Variants in EPB41L4A observed in about 807,000 individuals in gnomAD.
EPB41L4A encodes the protein band 4.1-like protein 4A.
EPB41L4A carries 100 observed loss-of-function variants against 108.6 expected under a neutral mutation model. The observed-to-expected ratio is 0.92, with a 90% CI of 0.78 to 1.09. EPB41L4A has a LOEUF of 1.09. Ranked by LOEUF, EPB41L4A falls within the 50% of genes least tolerant of loss-of-function variation. The probability of loss-of-function intolerance (pLI) is 0.00; values close to 1 mark genes in which losing one functional copy is unlikely to be tolerated. For missense variants in EPB41L4A, 1,030 were observed against 842.7 expected (o/e 1.22, Z -2.75); for synonymous variants, 319 against 289.0 (o/e 1.10, Z -1.05).
intron 1 of EPB41L4A, among the ~76,000 whole-genome samples, chr5:112,355,559 G>A (rs1467383176): frequency 6.6e-6 from 1 of 152,088 alleles, no homozygotes; most frequent in African/African-American, 2.4e-5. Flanking sequence ...TTCATTTCTG[G>A]TTCCTCATTA....
chr5:112,343,089 C>G (rs1433718942), intron 1 of EPB41L4A, among the ~76,000 whole-genome samples: 1 of 152,166 alleles, frequency 6.6e-6, no homozygotes, highest in Non-Finnish European at 1.5e-5. Context: ...GAATAACAGA[C>G]AGTTGGCTTT....
chr5:112,191,454 A>T (rs1488067262), intron 17 of EPB41L4A, among the ~76,000 whole-genome samples: 1 of 152,192 alleles, frequency 6.6e-6, no homozygotes, highest in African/African-American at 2.4e-5. Context: ...ATTATTTTTT[A>T]AAATTTAATG....
intron 6 of EPB41L4A, chr5:112,264,008 T>G (rs1751672813): frequency 6.6e-6 from 1 of 151,914 alleles, no homozygotes. Context: ...AGATGGGATT[T>G]CACCATTTTG....
At chr5:112,245,610 GA>G (rs1375040452) in intron 9 of EPB41L4A, among the ~76,000 whole-genome samples, 2 of 152,116 alleles carry the variant, frequency 1.3e-5, no homozygotes, top group Non-Finnish European at 2.9e-5. Flanking sequence ...ATAGCAAGTG[GA>G]AAAAATGGGC....
At chr5:112,393,872 C>T (rs1008247980) in intron 1 of EPB41L4A, among the ~76,000 whole-genome samples, 21 of 152,138 alleles carry the variant, frequency 1.4e-4, no homozygotes, top group Non-Finnish European at 2.4e-4. Flanking sequence ...TCCAGCAGCA[C>T]ATCAAAAGGC....
At chr5:112,161,605 A>G (rs201669130), downstream of EPB41L4A, 586 of 519,210 alleles carry the variant, frequency 1.1e-3, 1 homozygote, top group African/African-American at 2.9e-3. Flanking sequence ...TAGGAGCTGC[A>G]TAAGTAACAG....
At chr5:112,167,123 CA>C (rs10642511) in intron 22 of EPB41L4A, among the ~76,000 whole-genome samples, 10,275 of 110,516 alleles carry the variant, frequency 0.093, 415 homozygotes, top group Middle Eastern at 0.16. Flanking sequence ...AAATTTAAGA[CA>C]AAAAAAAAAA....
intron 1 of EPB41L4A, among the ~76,000 whole-genome samples, chr5:112,334,702 C>G (rs893303896): frequency 6.6e-6 from 1 of 152,158 alleles, no homozygotes; most frequent in South Asian, 2.1e-4. Context: ...CTTTGCCTGA[C>G]TTCTGTCTCC....
At chr5:112,320,106 A>C (rs1755678222) in intron 1 of EPB41L4A, among the ~76,000 whole-genome samples, 1 of 152,226 alleles carries the variant, frequency 6.6e-6, no homozygotes, top group African/African-American at 2.4e-5. Flanking sequence ...ATCCTCTCCT[A>C]TTCAAGGCAC....
At chr5:112,244,297 G>C (rs923394399) in intron 9 of EPB41L4A, among the ~76,000 whole-genome samples, 2 of 152,206 alleles carry the variant, frequency 1.3e-5, no homozygotes, top group African/African-American at 4.8e-5. Context: ...GATGCAGTTT[G>C]TGGCACCCCA....
intron 1 of EPB41L4A, among the ~76,000 whole-genome samples, chr5:112,375,050 C>G (rs1638681851): frequency 6.6e-6 from 1 of 152,174 alleles, no homozygotes; most frequent in Non-Finnish European, 1.5e-5. Context: ...ATCTCCACCC[C>G]AGATCAGCAG....
chr5:112,161,367 CG>C (rs1561436563), downstream of EPB41L4A: 3 of 413,374 alleles, frequency 7.3e-6, no homozygotes, highest in Non-Finnish European at 1.4e-5. Flanking sequence ...ATTATTAAGT[CG>C]GATTTTAAAT....
rs548887572 is a variant in EPB41L4A at position 112,342,613 on chromosome 5, A to G, written c.100-35123T>C. Among the ~76,000 whole-genome samples, 190 of 152,304 alleles carry G rather than the reference A, an allele frequency of 1.2e-3. 1 individual carries two copies. The highest frequency in any genetic ancestry group is 6.8e-3 in the Middle Eastern group (2 of 294). The stretch of plus-strand genomic sequence containing the variant: ...GCTGAGGGTCTATTGTTCCTAGTCG[A>G]GCAAGAGCAGTCAGCAGTCAGCAGC... On this transcript the variant is annotated intron_variant, in intron 1 of 22. Transcript: ENST00000261486.
chr5:112,339,860 A>C (rs781531135), intron 1 of EPB41L4A, among the ~76,000 whole-genome samples: 1 of 152,142 alleles, frequency 6.6e-6, no homozygotes, highest in Non-Finnish European at 1.5e-5. Flanking sequence ...CAAATGCATA[A>C]ATATTTAAGC....
At chr5:112,206,911 A>G (rs1199347107) in intron 13 of EPB41L4A, 1 of 152,218 alleles carries the variant, frequency 6.6e-6, no homozygotes, top group Non-Finnish European at 1.5e-5. Flanking sequence ...TCAAACTACC[A>G]ACATCATTTT....
chr5:112,316,566 A>G (rs1477837381), intron 1 of EPB41L4A, among the ~76,000 whole-genome samples: 1 of 152,144 alleles, frequency 6.6e-6, no homozygotes, highest in Non-Finnish European at 1.5e-5. Flanking sequence ...CCAGATGAGG[A>G]AAATCCTCAT....
intron 1 of EPB41L4A, among the ~76,000 whole-genome samples, chr5:112,372,252 A>G (rs1347533112): frequency 6.6e-6 from 1 of 152,224 alleles, no homozygotes; most frequent in African/African-American, 2.4e-5. Flanking sequence ...AGGATAGAGA[A>G]TGAGAGCCAG....
At chr5:112,257,853 G>A (rs1160362895) in intron 9 of EPB41L4A, among the ~76,000 whole-genome samples, 1 of 152,090 alleles carries the variant, frequency 6.6e-6, no homozygotes, top group African/African-American at 2.4e-5. Flanking sequence ...TTATTCATGT[G>A]AACCTAATGG....
chr5:112,218,701 G>T (rs539210283), intron 12 of EPB41L4A, among the ~76,000 whole-genome samples: 1 of 152,158 alleles, frequency 6.6e-6, no homozygotes, highest in African/African-American at 2.4e-5. Flanking sequence ...TGTATATCAA[G>T]ATTGTTTTTA....
Sources: allele counts gnomAD v4.1 joint callset (sites outside exome capture counted in the v4.1 genomes callset), GRCh38; gene constraint gnomAD v4.1.1; transcripts MANE v1.5; gene names NCBI Gene and HGNC (gene_info 2026-07-23, HGNC 2026-07-21).